Variants in LRRC4C observed in about 807,000 individuals in gnomAD.
LRRC4C encodes the protein leucine rich repeat containing 4C.
In LRRC4C, 5 loss-of-function variants were observed where a neutral mutation model predicts 33.6. The ratio of observed to expected loss-of-function variants is 0.15; its 90% CI spans 0.08 to 0.31. The LOEUF is 0.31. LRRC4C is among the 10% of genes least tolerant of loss of function. The pLI is 1.00. For missense variants in LRRC4C, 560 were observed against 796.7 expected (o/e 0.70, Z 3.58); for synonymous variants, 329 against 302.0 (o/e 1.09, Z -0.93).
At chr11:40,845,129 TTTTTC>T (rs751848562) in intron 2 of LRRC4C, among the ~76,000 whole-genome samples, 20 of 151,808 alleles carry the variant, frequency 1.3e-4, no homozygotes, top group Non-Finnish European at 2.6e-4. Flanking sequence ...CATAATCTCT[TTTTTC>T]TTTTATTTTT....
In LRRC4C at chr11:40,560,442, T is replaced by TTGTGTGTGTGTG. The variant is rs66917448; in HGVS notation, c.-270+87688_-270+87699dup. Among the ~76,000 whole-genome samples the TTGTGTGTGTGTG allele has an allele frequency of 4.8e-3, 712 of 149,412 alleles. 4 individuals are homozygous for TTGTGTGTGTGTG. Among genetic ancestry groups the TTGTGTGTGTGTG allele is most frequent in the Non-Finnish European group, 7.9e-3 (529 of 67,176 alleles). On this transcript the variant is annotated intron_variant, in intron 3 of 6. Coordinates refer to ENST00000528697, the MANE Select transcript of LRRC4C (RefSeq NM_001258419.2). Reference sequence around the variant, plus strand: ...CAACCAATGATGTGTGTGCCTGTGTTTGTGTGTGTGTGTGTGTGTGTGTGT... The same window carrying TTGTGTGTGTGTG: ...CAACCAATGATGTGTGTGCCTGTGTTTGTGTGTGTGTGTGTGTGTGTGTGTGTGTGTGTGTGT...
chr11:41,208,073 T>G (rs890858807), intron 1 of LRRC4C, among the ~76,000 whole-genome samples: 2 of 152,122 alleles, frequency 1.3e-5, no homozygotes, highest in Non-Finnish European at 2.9e-5. Flanking sequence ...AGAGAAGACA[T>G]GTATCACTAG....
chr11:41,034,606 C>CATATATATAT (rs758115530), intron 1 of LRRC4C, among the ~76,000 whole-genome samples: 49 of 108,464 alleles, frequency 4.5e-4, no homozygotes, highest in African/African-American at 5.9e-4. Flanking sequence ...AATATGGTGA[C>CATATATATAT]GTATATATAT....
At chr11:40,788,581 T>C (rs577646302) in intron 2 of LRRC4C, among the ~76,000 whole-genome samples, 3 of 152,342 alleles carry the variant, frequency 2.0e-5, no homozygotes, top group Admixed American at 6.5e-5. Flanking sequence ...ATTAACAAAA[T>C]TTAATTTTGC....
At chr11:40,441,800 A>G (rs1261877919) in intron 3 of LRRC4C, among the ~76,000 whole-genome samples, 1 of 152,214 alleles carries the variant, frequency 6.6e-6, no homozygotes, top group Non-Finnish European at 1.5e-5. Flanking sequence ...CCAGAAATGG[A>G]AAGTGTTGGG....
intron 1 of LRRC4C, among the ~76,000 whole-genome samples, chr11:41,093,663 A>G (rs1047637917): frequency 1.3e-5 from 2 of 152,098 alleles, no homozygotes; most frequent in Non-Finnish European, 1.5e-5. Flanking sequence ...CTCCCAGAGA[A>G]ACCTCTTACT....
At chr11:40,986,543 G>T (rs1180598962) in intron 1 of LRRC4C, among the ~76,000 whole-genome samples, 1 of 152,116 alleles carries the variant, frequency 6.6e-6, no homozygotes, top group African/African-American at 2.4e-5. Context: ...AATGGGCCAT[G>T]ATTACATCAC....
At chr11:41,118,509 T>A (rs1243887061) in intron 1 of LRRC4C, among the ~76,000 whole-genome samples, 8 of 152,238 alleles carry the variant, frequency 5.3e-5, no homozygotes. Context: ...GTTTGGTCAC[T>A]GTCCATTCCT....
At chr11:40,906,141 A>C (rs944472538) in intron 2 of LRRC4C, among the ~76,000 whole-genome samples, 2 of 152,202 alleles carry the variant, frequency 1.3e-5, no homozygotes, top group Non-Finnish European at 2.9e-5. Flanking sequence ...AAAGCTTATG[A>C]CCATTTTATC....
At chr11:40,366,143 A>G (rs1442848768) in intron 3 of LRRC4C, among the ~76,000 whole-genome samples, 1 of 152,078 alleles carries the variant, frequency 6.6e-6, no homozygotes, top group Non-Finnish European at 1.5e-5. Context: ...GGTCATTTCC[A>G]GTTATAAACT....
At chr11:40,881,744 C>T (rs764242762) in intron 2 of LRRC4C, among the ~76,000 whole-genome samples, 34 of 151,768 alleles carry the variant, frequency 2.2e-4, no homozygotes, top group Non-Finnish European at 4.0e-4. Context: ...ATTTTAATCA[C>T]CTCTGTGAAA....
intron 1 of LRRC4C, among the ~76,000 whole-genome samples, chr11:41,097,342 C>A (rs958015865): frequency 3.9e-5 from 6 of 152,120 alleles, no homozygotes; most frequent in African/African-American, 1.4e-4. Context: ...GCCTAAATGC[C>A]AATCCAGTAG....
intron 1 of LRRC4C, among the ~76,000 whole-genome samples, chr11:41,216,929 T>TA (rs1289392633): frequency 6.6e-6 from 1 of 152,216 alleles, no homozygotes; most frequent in Non-Finnish European, 1.5e-5. Flanking sequence ...GCTGAAAGAA[T>TA]ATTCAAACTT....
chr11:40,244,654 A>C (rs1866183460), intron 4 of LRRC4C, among the ~76,000 whole-genome samples: 1 of 152,036 alleles, frequency 6.6e-6, no homozygotes, highest in Non-Finnish European at 1.5e-5. Flanking sequence ...TCTCCCATGC[A>C]TGTTAATAAA....
At chr11:40,623,502 G>A (rs1255828980) in intron 3 of LRRC4C, among the ~76,000 whole-genome samples, 1 of 151,958 alleles carries the variant, frequency 6.6e-6, no homozygotes, top group Non-Finnish European at 1.5e-5. Flanking sequence ...ATTACAGTAT[G>A]TTTGGAAGGC....
chr11:40,653,281 G>A (rs1022029568), intron 2 of LRRC4C, among the ~76,000 whole-genome samples: 3 of 152,142 alleles, frequency 2.0e-5, no homozygotes, highest in African/African-American at 7.2e-5. Context: ...GAAAAGTGTG[G>A]GAAAGTTTGG....
At chr11:40,329,510 G>A (rs1946251611) in intron 3 of LRRC4C, among the ~76,000 whole-genome samples, 1 of 152,132 alleles carries the variant, frequency 6.6e-6, no homozygotes, top group East Asian at 1.9e-4. Flanking sequence ...TTCTGGAAAA[G>A]TGTGATTCAA....
chr11:40,251,857 T>C (rs1866811470), intron 4 of LRRC4C, among the ~76,000 whole-genome samples: 2 of 152,186 alleles, frequency 1.3e-5, no homozygotes, highest in South Asian at 2.1e-4. Context: ...AGAACACATG[T>C]TCATTAGGCT....
intron 3 of LRRC4C, among the ~76,000 whole-genome samples, chr11:40,502,609 C>T (rs1440107): frequency 0.53 from 80,941 of 151,866 alleles, 22,288 homozygotes; most frequent in East Asian, 0.81. Context: ...ATGACCCCTA[C>T]GATTCAATTA....
Sources: gnomAD v4.1 joint callset for allele counts (sites outside exome capture counted in the v4.1 genomes callset) on GRCh38, gnomAD v4.1.1 for gene constraint, MANE v1.5 for transcripts, NCBI Gene and HGNC (gene_info 2026-07-23, HGNC 2026-07-21) for gene names.